The following CSMD1 variants were observed in gnomAD, a reference collection of about 807,000 sequenced individuals.
CSMD1 encodes the protein CUB and sushi domain-containing protein 1.
CSMD1 carries 213 observed loss-of-function variants against 417.5 expected under a neutral mutation model. The observed-to-expected ratio is 0.51, with a 90% confidence interval of 0.46 to 0.57. The LOEUF (loss-of-function observed/expected upper bound fraction) is 0.57, where lower values mean the gene tolerates loss of function less well. Among genes scored for constraint, CSMD1 ranks in the 20% least tolerant of loss-of-function variants. The pLI, the probability that CSMD1 is intolerant of heterozygous loss-of-function variation, is 0.00. For missense variants in CSMD1, 6,923 were observed against 4,529.7 expected (o/e 1.53, Z -15.17); for synonymous variants, 2,862 against 1,736.8 (o/e 1.65, Z -16.11).
chr8:4,890,261 A>C (rs901303051), intron 1 of CSMD1, among the ~76,000 whole-genome samples: 1 of 152,120 alleles, frequency 6.6e-6, no homozygotes, highest in Non-Finnish European at 1.5e-5. Context: ...AGTGGAGTGA[A>C]TTTGGTGAGA....
At chr8:3,988,349 T>G (rs1250343602) in intron 5 of CSMD1, among the ~76,000 whole-genome samples, 1 of 152,222 alleles carries the variant, frequency 6.6e-6, no homozygotes, top group Non-Finnish European at 1.5e-5. Flanking sequence ...GCATAACTAC[T>G]GCAATGTTTT....
chr8:4,292,086 T>C (rs1797401290), intron 3 of CSMD1, among the ~76,000 whole-genome samples: 1 of 152,036 alleles, frequency 6.6e-6, no homozygotes, highest in South Asian at 2.1e-4. Context: ...ACCAAGGAGA[T>C]ATACCAGGGA....
chr8:4,438,769 C>G (rs562778945), intron 2 of CSMD1, among the ~76,000 whole-genome samples: 2 of 152,152 alleles, frequency 1.3e-5, no homozygotes, highest in African/African-American at 4.8e-5. Flanking sequence ...ACCATGTGCC[C>G]TGAATCACAA....
At chr8:4,588,474 G>C (rs975771755) in intron 2 of CSMD1, among the ~76,000 whole-genome samples, 1 of 151,536 alleles carries the variant, frequency 6.6e-6, no homozygotes, top group South Asian at 2.1e-4. Context: ...TTGAAACAGT[G>C]GTCTGATGTT....
At chr8:3,175,510 T>TGCCTTCC (rs1554451344) in intron 37 of CSMD1, among the ~76,000 whole-genome samples, 7 of 132,948 alleles carry the variant, frequency 5.3e-5, no homozygotes, top group African/African-American at 1.6e-4. Context: ...CCTGCCTGCC[T>TGCCTTCC]TTTTTCCTTC....
At chr8:4,661,015 G>T (rs993317266) in intron 1 of CSMD1, among the ~76,000 whole-genome samples, 1 of 152,134 alleles carries the variant, frequency 6.6e-6, no homozygotes, top group Non-Finnish European at 1.5e-5. Flanking sequence ...ATACATTGCT[G>T]GTTGGAATGC....
intron 6 of CSMD1, among the ~76,000 whole-genome samples, chr8:3,752,385 T>C (rs530484794): frequency 1.3e-5 from 2 of 152,136 alleles, no homozygotes; most frequent in Admixed American, 6.5e-5. Context: ...CTGGGTACGG[T>C]GGCTCACACC....
intron 5 of CSMD1, among the ~76,000 whole-genome samples, chr8:3,862,702 T>G (rs1054920486): frequency 1.3e-5 from 2 of 152,188 alleles, no homozygotes; most frequent in Admixed American, 6.5e-5. Flanking sequence ...GGAATTCAAA[T>G]GATCTCCAAA....
intron 18 of CSMD1, among the ~76,000 whole-genome samples, chr8:3,370,958 CA>C (rs577964485): frequency 2.0e-4 from 30 of 150,934 alleles, no homozygotes; most frequent in African/African-American, 7.1e-4. Flanking sequence ...CCTGGGGCAA[CA>C]AGAGTCAAAC....
At position 2,949,295 on chromosome 8, in the gene CSMD1, T is replaced by G. The variant is rs764670757; in HGVS notation, c.10402+4A>C. The G allele has an allele frequency of 1.9e-6, 3 of 1,542,816 alleles. No homozygotes were observed. The highest frequency in any genetic ancestry group is 2.2e-5 in the South Asian group (2 of 88,982). On this transcript the variant is annotated splice_donor_region_variant and intron_variant, in intron 68 of 69. Transcript: ENST00000635120. ...CTTTAAAATATATCCTAAGTGCAAC[T>G]TACCTTGCCTTTCTAGCTTAAATTT...
At chr8:4,514,235 T>A (rs1414477826) in intron 2 of CSMD1, among the ~76,000 whole-genome samples, 1 of 152,126 alleles carries the variant, frequency 6.6e-6, no homozygotes, top group Non-Finnish European at 1.5e-5. Flanking sequence ...TTTCCTCTGG[T>A]GTCTGTGCTT....
chr8:4,238,531 G>A (rs992364685), intron 3 of CSMD1, among the ~76,000 whole-genome samples: 1 of 152,158 alleles, frequency 6.6e-6, no homozygotes, highest in Non-Finnish European at 1.5e-5. Flanking sequence ...GGTCAGACAG[G>A]CTTGAGGTTG....
At chr8:2,981,075 C>T (rs993839596) in intron 54 of CSMD1, among the ~76,000 whole-genome samples, 1 of 152,130 alleles carries the variant, frequency 6.6e-6, no homozygotes, top group Admixed American at 6.5e-5. Flanking sequence ...AATTCTGAGG[C>T]TCCAATAGGA....
In CSMD1 at chr8:3,749,053, C is replaced by A. The variant is rs78260231; in HGVS notation, c.931+4877G>T. ...AAAGGTGTGTAAAACTGGAGCCCAA[C>A]ACTTAGATGACTATTTAGTAGTGAG... On this transcript the variant is annotated intron_variant, in intron 6 of 69. Transcript: ENST00000635120. Among the ~76,000 whole-genome samples the A allele has an allele frequency of 9.7e-4, 147 of 152,296 alleles. 2 individuals carry two copies. The East Asian group carries it at 0.023, about 24-fold the overall frequency.
At chr8:4,687,643 C>A (rs1488939725) in intron 1 of CSMD1, among the ~76,000 whole-genome samples, 1 of 152,164 alleles carries the variant, frequency 6.6e-6, no homozygotes, top group Non-Finnish European at 1.5e-5. Flanking sequence ...TTACTCACAG[C>A]TAAATCCGTG....
intron 5 of CSMD1, among the ~76,000 whole-genome samples, chr8:3,972,073 GT>G (rs1373094026): frequency 2.6e-5 from 4 of 152,054 alleles, no homozygotes; most frequent in Non-Finnish European, 4.4e-5. Context: ...GGCTCTGTAT[GT>G]TGCCCAGGCT....
At chr8:4,074,390 C>G (rs192124512) in intron 3 of CSMD1, among the ~76,000 whole-genome samples, 39 of 152,182 alleles carry the variant, frequency 2.6e-4, no homozygotes, top group African/African-American at 5.8e-4. Flanking sequence ...TTTTCAATGT[C>G]TATCTCATCA....
chr8:3,783,302 G>A (rs1228038923), intron 5 of CSMD1, among the ~76,000 whole-genome samples: 1 of 152,320 alleles, frequency 6.6e-6, no homozygotes, highest in East Asian at 1.9e-4. Context: ...ATACTGGGAT[G>A]GATGGGAAAC....
At chr8:4,656,107 A>G (rs1183258883) in intron 1 of CSMD1, among the ~76,000 whole-genome samples, 3 of 152,090 alleles carry the variant, frequency 2.0e-5, no homozygotes, top group South Asian at 2.1e-4. Flanking sequence ...TTATGGGGGC[A>G]AAGTGTATCG....
Sources: allele counts gnomAD v4.1 joint callset (sites outside exome capture counted in the v4.1 genomes callset), GRCh38; gene constraint gnomAD v4.1.1; transcripts MANE v1.5; gene names NCBI Gene and HGNC (gene_info 2026-07-23, HGNC 2026-07-21).